Variants in SAMD5 observed in about 807,000 individuals in gnomAD.
The protein encoded by SAMD5 is sterile alpha motif domain containing 5.
A neutral mutation model predicts 11.3 loss-of-function variants in SAMD5; 13 were observed. That is an observed-to-expected ratio of 1.15 (90% CI 0.75 to 1.83). The LOEUF (loss-of-function observed/expected upper bound fraction) is 1.83, where lower values mean the gene tolerates loss of function less well. Among genes scored for constraint, SAMD5 ranks in the 40% most tolerant of loss-of-function variants. The pLI, the probability that SAMD5 is intolerant of heterozygous loss-of-function variation, is 0.00. For missense variants in SAMD5, 255 were observed against 239.1 expected, an observed-to-expected ratio of 1.07 and a Z score of -0.44; for synonymous variants, 129 against 111.3, an observed-to-expected ratio of 1.16 and a Z score of -1.00.
At chr6:147,730,836 C>CT (rs1373777506) in intron 1 of SAMD5, among the ~76,000 whole-genome samples, 5 of 152,076 alleles carry the variant, frequency 3.3e-5, no homozygotes, top group African/African-American at 1.2e-4. Flanking sequence ...AATGAGAACT[C>CT]TGAGTTGACC....
chr6:147,550,287 A>G (rs972107461), intron 1 of SAMD5, among the ~76,000 whole-genome samples: 1 of 152,158 alleles, frequency 6.6e-6, no homozygotes, highest in South Asian at 2.1e-4. Context: ...GAAAGGGAAC[A>G]TTTATACTCT....
the SAMD5 span, among the ~76,000 whole-genome samples, chr6:147,860,055 T>C: frequency 6.6e-6 from 1 of 152,184 alleles, no homozygotes; most frequent in African/African-American, 2.4e-5. Context: ...CTGAAATTTA[T>C]CGTCCCACAG....
chr6:147,909,609 T>TTTTCTTTCTTTCTTTC, the SAMD5 span, among the ~76,000 whole-genome samples: 2 of 69,136 alleles, frequency 2.9e-5, no homozygotes, highest in East Asian at 9.7e-4. Context: ...TCTTTCTTTC[T>TTTTCTTTCTTTCTTTC]TTCTTTCTTT....
At chr6:147,774,133 C>T in the SAMD5 span, among the ~76,000 whole-genome samples, 4 of 152,132 alleles carry the variant, frequency 2.6e-5, no homozygotes, top group Admixed American at 6.5e-5. Context: ...TGAGCCACTG[C>T]GCCTGGCCTC....
At chr6:147,778,465 C>A in the SAMD5 span, among the ~76,000 whole-genome samples, 1 of 152,164 alleles carries the variant, frequency 6.6e-6, no homozygotes, top group African/African-American at 2.4e-5. Context: ...ATCCCTTGCC[C>A]ACCATGAACC....
chr6:147,591,057 A>T (rs1789445652), intron 1 of SAMD5, among the ~76,000 whole-genome samples: 1 of 152,192 alleles, frequency 6.6e-6, no homozygotes, highest in Non-Finnish European at 1.5e-5. Context: ...CTGTTAAACA[A>T]TGTAAAACCA....
At chr6:147,766,116 C>A in the SAMD5 span, among the ~76,000 whole-genome samples, 64 of 120,906 alleles carry the variant, frequency 5.3e-4, 3 homozygotes, top group Non-Finnish European at 7.4e-4. Context: ...AAAAAAAAAA[C>A]ACAAAAAAAG....
intron 1 of SAMD5, among the ~76,000 whole-genome samples, chr6:147,564,104 AT>A (rs11287852): frequency 0.29 from 44,426 of 151,684 alleles, 6,688 homozygotes; most frequent in East Asian, 0.33. Context: ...TTATCTAACC[AT>A]TTTTTTTTAA....
In SAMD5 at chr6:147,567,575, A is replaced by G. The variant is rs1789062228; in HGVS notation, c.*3119A>G. 1 of 919,604 alleles carries G rather than the reference A, an allele frequency of 1.1e-6. No individual in the cohort carries two copies. The highest frequency in any genetic ancestry group is 1.3e-6 in the Non-Finnish European group (1 of 770,114). 57.0% of individuals were successfully genotyped at this position (919,604 alleles called of 1,614,324 possible). A position where few individuals can be genotyped will look rare whatever the true frequency, so the allele number is the denominator to read the frequency against. On this transcript the variant is annotated 3_prime_UTR_variant, in exon 2 of 2. Coordinates refer to ENST00000367474, the MANE Select transcript of SAMD5 (RefSeq NM_001030060.3). ...CTCTATAGCTCTTAAGAGGCTTAAG[A>G]GTTCTATGGCTTACACCCACATACA... is the stretch of plus-strand genomic sequence containing the variant.
chr6:147,716,894 C>T (rs1202470339), intron 1 of SAMD5, among the ~76,000 whole-genome samples: 1 of 152,224 alleles, frequency 6.6e-6, no homozygotes, highest in Non-Finnish European at 1.5e-5. Flanking sequence ...CTTGACACCA[C>T]CTGTGACTAC....
At chr6:147,886,694 T>C in the SAMD5 span, among the ~76,000 whole-genome samples, 1 of 152,176 alleles carries the variant, frequency 6.6e-6, no homozygotes, top group East Asian at 1.9e-4. Flanking sequence ...GAACTGCCAA[T>C]GGAAAGAGCC....
the SAMD5 span, among the ~76,000 whole-genome samples, chr6:147,764,008 T>C: frequency 6.6e-6 from 1 of 152,248 alleles, no homozygotes; most frequent in Non-Finnish European, 1.5e-5. Context: ...GAGTATTTTA[T>C]TTTTGAGAGA....
At chr6:147,661,207 A>C (rs1289696982) in intron 1 of SAMD5, among the ~76,000 whole-genome samples, 1 of 152,160 alleles carries the variant, frequency 6.6e-6, no homozygotes, top group Admixed American at 6.5e-5. Flanking sequence ...GATTCCTAAT[A>C]ATTGTCATCC....
At chr6:147,903,742 T>A in the SAMD5 span, among the ~76,000 whole-genome samples, 1 of 152,000 alleles carries the variant, frequency 6.6e-6, no homozygotes, top group African/African-American at 2.4e-5. Context: ...ACCCCGTCTC[T>A]ACTAAAAATA....
chr6:147,515,612 C>T, intron 1 of SAMD5, among the ~76,000 whole-genome samples: 1 of 151,620 alleles, frequency 6.6e-6, no homozygotes, highest in East Asian at 1.9e-4. Flanking sequence ...ATCCATTTAT[C>T]CATCTATCCA....
chr6:147,739,385 C>T (rs910014750), downstream of SAMD5, among the ~76,000 whole-genome samples: 36 of 152,138 alleles, frequency 2.4e-4, no homozygotes, highest in African/African-American at 8.2e-4. Context: ...CATTTGAGCC[C>T]AGGAGTTTGA....
At chr6:147,728,045 A>T (rs1583155999) in intron 1 of SAMD5, among the ~76,000 whole-genome samples, 1 of 152,334 alleles carries the variant, frequency 6.6e-6, no homozygotes, top group Non-Finnish European at 1.5e-5. Context: ...TGAAAATTAA[A>T]TGATAAAATT....
intron 1 of SAMD5, among the ~76,000 whole-genome samples, chr6:147,666,473 T>G (rs976367945): frequency 6.6e-6 from 1 of 152,138 alleles, no homozygotes; most frequent in Non-Finnish European, 1.5e-5. Context: ...TGCTAAAGCT[T>G]CAGGCCCTTC....
chr6:147,526,904 C>G (rs1257304961), intron 1 of SAMD5, among the ~76,000 whole-genome samples: 1 of 152,200 alleles, frequency 6.6e-6, no homozygotes, highest in African/African-American at 2.4e-5. Context: ...AAACTGGGAC[C>G]TGTCAGATAT....
Sources: gnomAD v4.1 joint callset for allele counts (sites outside exome capture counted in the v4.1 genomes callset) on GRCh38, gnomAD v4.1.1 for gene constraint, MANE v1.5 for transcripts, NCBI Gene and HGNC (gene_info 2026-07-23, HGNC 2026-07-21) for gene names.